CHD1L: variants seen among roughly 807,000 people sequenced by gnomAD.
The protein encoded by CHD1L is chromodomain helicase DNA binding protein 1 like, also known as ATP-dependent chromatin remodeler CHD1L.
A neutral mutation model predicts 115.9 loss-of-function variants in CHD1L; 118 were observed. The observed-to-expected ratio is 1.02, with a 90% CI of 0.88 to 1.19. CHD1L has a LOEUF of 1.19. Ranked by LOEUF, CHD1L falls within the 50% of genes most tolerant of loss-of-function variation. The pLI is 0.00. For synonymous variants in CHD1L, 411 were observed against 387.1 expected, an observed-to-expected ratio of 1.06 and a Z score of -0.72; for missense variants, 1,179 against 1,065.3, an observed-to-expected ratio of 1.11 and a Z score of -1.49.
chr1:147,295,557 AC>A lies in CHD1L; in HGVS notation c.*51del. 7.6e-7 allele frequency: 1 copy of A among 1,310,008 alleles called. No individual in the cohort carries two copies. Among genetic ancestry groups the A allele is most frequent in the Non-Finnish European group, 1.1e-6 (1 of 915,840 alleles). 81.1% of individuals were successfully genotyped at this position (1,310,008 alleles called of 1,614,324 possible). A position where few individuals can be genotyped will look rare whatever the true frequency, so the allele number is the denominator to read the frequency against. ...TGTCTTTAGCAACCAGCTAATATTT[AC>A]CCAGAGGTACTGCAATAGAGTATTT... On this transcript the variant is annotated 3_prime_UTR_variant, in exon 23 of 23. Coordinates refer to ENST00000369258, the MANE Select transcript of CHD1L (RefSeq NM_004284.6).
the CHD1L span, chr1:147,187,116 G>C: frequency 1.3e-5 from 21 of 1,614,118 alleles, no homozygotes; most frequent in Non-Finnish European, 1.8e-5. Flanking sequence ...CCAGTAATAA[G>C]TGTAATGCCA....
At position 147,286,359 on chromosome 1, in the gene CHD1L, C is replaced by T. The variant is rs1553965744; in HGVS notation, c.2080C>T (p.Pro694Ser). Residue 694 changes from proline to serine, a missense_variant, in exon 18 of 23, where the codon CCA (proline) becomes TCA (serine). Transcript: ENST00000369258. The part of the protein sequence containing the change: ...SFCLPSEESE[P>S]EDLENGEESS... ...CTGCCTGCCCTCTGAGGAGAGCGAG[C>T]CAGAGGACCTTGAGAATGGGGAAGA... 1 of 1,614,124 alleles carries T rather than the reference C, an allele frequency of 6.2e-7. No homozygotes were observed. The highest frequency in any genetic ancestry group is 8.5e-7 in the Non-Finnish European group (1 of 1,180,018).
the CHD1L span, among the ~76,000 whole-genome samples, chr1:147,237,179 C>A: frequency 2.0e-5 from 3 of 152,264 alleles, no homozygotes; most frequent in East Asian, 5.8e-4. Context: ...TCCAACCTTG[C>A]TCTGGGAATG....
intron 1 of CHD1L, among the ~76,000 whole-genome samples, chr1:147,249,684 G>A (rs1367177076): frequency 3.9e-5 from 6 of 152,122 alleles, no homozygotes; most frequent in South Asian, 2.1e-4. Context: ...GATTACAGGC[G>A]TGAGCCACCG....
At chr1:147,202,322 T>C in the CHD1L span, among the ~76,000 whole-genome samples, 1 of 18,414 alleles carries the variant, frequency 5.4e-5, no homozygotes, top group Non-Finnish European at 9.2e-5. Context: ...CTTTTTTTTT[T>C]TTTTTTTTTT....
chr1:147,250,884 G>C (rs1439307794), intron 1 of CHD1L, among the ~76,000 whole-genome samples: 4 of 152,100 alleles, frequency 2.6e-5, no homozygotes, highest in African/African-American at 9.7e-5. Flanking sequence ...GTCAAGGGTG[G>C]TGCCAGGTGG....
chr1:147,190,253 A>C, the CHD1L span: 2 of 1,585,882 alleles, frequency 1.3e-6, no homozygotes, highest in Non-Finnish European at 1.7e-6. Context: ...TTTAGACCTA[A>C]AAACAAAAAT....
At chr1:147,251,416 T>A (rs1249215682) in intron 1 of CHD1L, among the ~76,000 whole-genome samples, 15 of 152,198 alleles carry the variant, frequency 9.9e-5, no homozygotes, top group Admixed American at 9.8e-4. Flanking sequence ...GGAAAGTAAG[T>A]ATACTCCCAT....
the CHD1L span, chr1:147,186,983 T>G: frequency 6.2e-7 from 1 of 1,614,210 alleles, no homozygotes; most frequent in East Asian, 2.2e-5. Flanking sequence ...ATAGAACTAC[T>G]CCTTTCAACT....
the CHD1L span, among the ~76,000 whole-genome samples, chr1:147,199,230 T>C: frequency 6.9e-6 from 1 of 143,940 alleles, no homozygotes; most frequent in South Asian, 2.3e-4. Context: ...TGGGCAGACA[T>C]GAAAAAAATG....
chr1:147,292,755 A>T (rs587678018), intron 20 of CHD1L, among the ~76,000 whole-genome samples: 1 of 152,182 alleles, frequency 6.6e-6, no homozygotes, highest in Non-Finnish European at 1.5e-5. Flanking sequence ...ACTGCTTTAA[A>T]TAACTAGATG....
the CHD1L span, among the ~76,000 whole-genome samples, chr1:147,206,109 T>A: frequency 6.7e-6 from 1 of 150,352 alleles, no homozygotes; most frequent in Non-Finnish European, 1.5e-5. Flanking sequence ...GGGTGAAGGA[T>A]ATGAACAGAC....
chr1:147,178,624 T>C, the CHD1L span: 39 of 1,595,364 alleles, frequency 2.4e-5, no homozygotes, highest in Admixed American at 6.3e-4. Context: ...TCACTCCGAG[T>C]TCCTAAAAGC....
chr1:147,238,622 C>T (rs144638344), upstream of CHD1L, among the ~76,000 whole-genome samples: 1,184 of 152,248 alleles, frequency 7.8e-3, 58 homozygotes, highest in Admixed American at 0.071. Flanking sequence ...GAGTTAATCA[C>T]GACTCACAGA....
At chr1:147,273,834 T>C (rs1281360004) in intron 12 of CHD1L, among the ~76,000 whole-genome samples, 8 of 152,224 alleles carry the variant, frequency 5.3e-5, no homozygotes, top group African/African-American at 1.4e-4. Flanking sequence ...GTTGTAGTTT[T>C]GCAGTATTTT....
the CHD1L span, among the ~76,000 whole-genome samples, chr1:147,193,394 T>C: frequency 2.0e-5 from 3 of 152,154 alleles, no homozygotes. Context: ...TTGATTCTTC[T>C]CTTTTCTTCT....
chr1:147,276,173 CA>C lies in CHD1L; in HGVS notation c.1458del (p.Lys486AsnfsTer7), dbSNP rs781979484. On this transcript the variant is annotated frameshift_variant, in exon 14 of 23. Transcript: ENST00000369258. LOFTEE classifies it high-confidence loss of function. ...EEIVYRKAAS[K>X]LQLTNMIIEG... ...AAATAGTCTATAGGAAAGCAGCCTC[CA>C]AACTGCAGCTCACCAACATGATCAT... is the stretch of plus-strand genomic sequence containing the variant. 4.3e-6 allele frequency: 7 copies of C among 1,614,196 alleles called. No individual in the cohort carries two copies. The highest frequency in any genetic ancestry group is 5.9e-6 in the Non-Finnish European group (7 of 1,180,024).
At chr1:147,284,654 AG>A (rs1682352876) in intron 16 of CHD1L, among the ~76,000 whole-genome samples, 155 bp downstream of exon 16, 1 of 152,206 alleles carries the variant, frequency 6.6e-6, no homozygotes, top group Non-Finnish European at 1.5e-5. Context: ...ACTATACCCT[AG>A]TATAAAAACT....
intron 12 of CHD1L, among the ~76,000 whole-genome samples, chr1:147,273,203 C>T (rs1316283222): frequency 6.6e-6 from 1 of 152,158 alleles, no homozygotes; most frequent in Non-Finnish European, 1.5e-5. Context: ...GGTCCTGGAG[C>T]AAGCTGACCT....
Sources: allele counts gnomAD v4.1 joint callset (sites outside exome capture counted in the v4.1 genomes callset), GRCh38; gene constraint gnomAD v4.1.1; transcripts MANE v1.5; gene names NCBI Gene and HGNC (gene_info 2026-07-23, HGNC 2026-07-21).